NDST4: variants seen among roughly 807,000 people sequenced by gnomAD.
NDST4 encodes N-heparan sulfate sulfotransferase 4.
A neutral mutation model predicts 100.8 loss-of-function variants in NDST4; 63 were observed. The observed-to-expected ratio is 0.62, with a 90% CI of 0.51 to 0.77. NDST4 has a LOEUF of 0.77. Among genes scored for constraint, NDST4 ranks in the 30% least tolerant of loss-of-function variants. The pLI is 0.00. For synonymous variants in NDST4, 377 were observed against 361.8 expected (o/e 1.04, Z -0.48); for missense variants, 943 against 1,018.4 (o/e 0.93, Z 1.01).
chr4:115,020,326 C>A (rs141345098), intron 2 of NDST4, among the ~76,000 whole-genome samples: 1 of 151,946 alleles, frequency 6.6e-6, no homozygotes, highest in African/African-American at 2.4e-5. Flanking sequence ...TATATAGTTG[C>A]GGATAATTTG....
intron 1 of NDST4, among the ~76,000 whole-genome samples, chr4:115,108,403 A>T (rs921237843): frequency 2.0e-5 from 3 of 152,028 alleles, no homozygotes; most frequent in Non-Finnish European, 4.4e-5. Context: ...GAATCAAGCC[A>T]AAGCATCTAA....
At chr4:114,942,817 A>C (rs1725778304) in intron 4 of NDST4, among the ~76,000 whole-genome samples, 1 of 151,900 alleles carries the variant, frequency 6.6e-6, no homozygotes, top group Admixed American at 6.6e-5. Flanking sequence ...ACAGTTAATA[A>C]GTGTAAACTT....
At chr4:114,885,683 T>C (rs1724462933) in intron 6 of NDST4, among the ~76,000 whole-genome samples, 1 of 152,092 alleles carries the variant, frequency 6.6e-6, no homozygotes, top group Admixed American at 6.6e-5. Flanking sequence ...AGGCAACATA[T>C]GAATGGATTT....
chr4:114,871,034 C>A, intron 6 of NDST4, 84 bp from the exon 7 acceptor site: 1 of 903,748 alleles, frequency 1.1e-6, no homozygotes, highest in African/African-American at 1.7e-5. Flanking sequence ...AGCACCTCAC[C>A]TCACCTTGGA....
chr4:115,063,540 T>G (rs1340635496), intron 2 of NDST4, among the ~76,000 whole-genome samples: 1 of 151,990 alleles, frequency 6.6e-6, no homozygotes, highest in Non-Finnish European at 1.5e-5. Flanking sequence ...TCTTTTTCTC[T>G]TTAGTCATTC....
chr4:115,015,008 C>T (rs1034063556), intron 2 of NDST4, among the ~76,000 whole-genome samples: 4 of 152,006 alleles, frequency 2.6e-5, no homozygotes, highest in Non-Finnish European at 5.9e-5. Flanking sequence ...AGAGTCAAGT[C>T]CTCACAATAC....
Position 114,914,298 on chromosome 4 carries a change from T to A in NDST4, c.1536+20908A>T, listed in dbSNP as rs1725123502. 2.6e-5 allele frequency among the ~76,000 whole-genome samples: 4 copies of A among 152,268 alleles called. No homozygotes were observed. In the South Asian group the frequency reaches 8.3e-4, roughly 31 times the overall value. ...AACAGGGTCAATAATAATTTAATTA[T>A]ACATTTTAAAATAGCTAAAAGAGTA... On this transcript the variant is annotated intron_variant, in intron 6 of 13. Transcript: ENST00000264363.
intron 8 of NDST4, among the ~76,000 whole-genome samples, chr4:114,850,523 A>G (rs1318321931): frequency 6.6e-6 from 1 of 152,150 alleles, no homozygotes; most frequent in Non-Finnish European, 1.5e-5. Context: ...TTTTTCATCT[A>G]TCCTTGACAT....
chr4:114,843,777 C>T (rs1295699771), intron 10 of NDST4, among the ~76,000 whole-genome samples: 1 of 152,100 alleles, frequency 6.6e-6, no homozygotes, highest in Non-Finnish European at 1.5e-5. Context: ...TTTCTTGGCG[C>T]CTCATCCCGC....
At chr4:114,857,873 A>G (rs1345284957) in intron 7 of NDST4, among the ~76,000 whole-genome samples, 1 of 152,166 alleles carries the variant, frequency 6.6e-6, no homozygotes, top group African/African-American at 2.4e-5. Context: ...ATGTGGATGG[A>G]CCTATGATAG....
chr4:114,936,788 T>G (rs1048530266), intron 5 of NDST4, among the ~76,000 whole-genome samples: 2 of 152,166 alleles, frequency 1.3e-5, no homozygotes, highest in African/African-American at 4.8e-5. Flanking sequence ...TTTTGGAATA[T>G]GCAAGGAAAA....
intron 4 of NDST4, among the ~76,000 whole-genome samples, chr4:114,948,347 A>G (rs1725915306): frequency 6.6e-6 from 1 of 151,702 alleles, no homozygotes; most frequent in Admixed American, 6.6e-5. Flanking sequence ...TCTTACTTAA[A>G]ATAATGATTG....
chr4:114,862,550 T>C (rs1357455490), intron 7 of NDST4, among the ~76,000 whole-genome samples: 2 of 152,176 alleles, frequency 1.3e-5, no homozygotes, highest in Non-Finnish European at 2.9e-5. Flanking sequence ...ATTGCCACTG[T>C]TGAATGTCAA....
intron 8 of NDST4, among the ~76,000 whole-genome samples, chr4:114,850,651 A>ACAAT (rs1380508914): frequency 1.3e-5 from 2 of 152,228 alleles, no homozygotes; most frequent in Non-Finnish European, 2.9e-5. Flanking sequence ...TATTTTATAT[A>ACAAT]CAATCAACTC....
chr4:115,032,937 G>T (rs1001498513), intron 2 of NDST4, among the ~76,000 whole-genome samples: 2 of 151,442 alleles, frequency 1.3e-5, no homozygotes, highest in African/African-American at 2.4e-5. Flanking sequence ...TGATTCCTTT[G>T]AATTCGTATG....
rs79804324 is a variant in NDST4, at chr4:114,967,796, AT to A, written c.1221+2633del. On this transcript the variant is annotated intron_variant, in intron 4 of 13. Coordinates refer to ENST00000264363, the MANE Select transcript of NDST4 (RefSeq NM_022569.3). ...TAAATCCATATTTTTTTTAAAAAAA[AT>A]TAGGTGTTTTAAAAGCAAGATGTAA... is the stretch of plus-strand genomic sequence containing the variant. 5.2e-3 allele frequency among the ~76,000 whole-genome samples: 761 copies of A among 146,742 alleles called. 6 individuals carry two copies. Among genetic ancestry groups the A allele is most frequent in the Non-Finnish European group, 7.8e-3 (520 of 66,940 alleles).
intron 2 of NDST4, among the ~76,000 whole-genome samples, chr4:115,016,626 T>C (rs1324345985): frequency 2.0e-5 from 3 of 152,090 alleles, no homozygotes; most frequent in African/African-American, 7.2e-5. Flanking sequence ...GCTGTGGTGA[T>C]TGATCCTATT....
intron 4 of NDST4, among the ~76,000 whole-genome samples, chr4:114,953,960 T>A (rs1051699658): frequency 1.3e-5 from 2 of 152,168 alleles, no homozygotes; most frequent in African/African-American, 4.8e-5. Flanking sequence ...GCCACTCATA[T>A]AAATGAGCTT....
intron 3 of NDST4, among the ~76,000 whole-genome samples, chr4:114,974,256 T>C (rs1446414028): frequency 6.6e-6 from 1 of 151,156 alleles, no homozygotes; most frequent in African/African-American, 2.4e-5. Flanking sequence ...TTTTAACTAA[T>C]TCTCCACACA....
Sources: gnomAD v4.1 joint callset for allele counts (sites outside exome capture counted in the v4.1 genomes callset) on GRCh38, gnomAD v4.1.1 for gene constraint, MANE v1.5 for transcripts, NCBI Gene and HGNC (gene_info 2026-07-23, HGNC 2026-07-21) for gene names.